PARP1: variants seen among roughly 807,000 people sequenced by gnomAD.
PARP1 encodes the protein poly(ADP-ribose) polymerase 1.
In PARP1, 44 loss-of-function variants were observed where a neutral mutation model predicts 118.7. The observed-to-expected ratio is 0.37, with a 90% CI of 0.29 to 0.48. The LOEUF (loss-of-function observed/expected upper bound fraction) is 0.48, where lower values mean the gene tolerates loss of function less well. PARP1 is among the 20% of genes least tolerant of loss of function. PARP1 has a pLI of 0.99. For synonymous variants in PARP1, 492 were observed against 483.2 expected, an observed-to-expected ratio of 1.02 and a Z score of -0.24; for missense variants, 1,100 against 1,272.4, an observed-to-expected ratio of 0.86 and a Z score of 2.06.
In PARP1 at chr1:226,383,069, C is replaced by A. The variant is rs1197812138; in HGVS notation, c.1126G>T (p.Ala376Ser). Residue 376 changes from alanine to serine, a missense_variant, in exon 8 of 23, where the codon GCT becomes TCT. Transcript: ENST00000366794. ...AATPPPSTAS[A>S]PAAVNSSASA... ...GCAGAGGAGTTCACAGCAGCAGGAG[C>A]CGAGGCTGTGGAGGGCGGAGGCGTG... The A allele has an allele frequency of 1.2e-6, 2 of 1,612,948 alleles. No individual in the cohort carries two copies. The highest frequency in any genetic ancestry group is 2.2e-5 in the South Asian group (2 of 91,026).
At chr1:226,361,578 A>G in intron 22 of PARP1, 37 bp from the exon 23 acceptor site, 1 of 1,406,260 alleles carries the variant, frequency 7.1e-7, no homozygotes, top group Admixed American at 1.7e-5. Context: ...ACAGCCATAC[A>G]ACAGAGGGTA....
intron 1 of PARP1, among the ~76,000 whole-genome samples, chr1:226,405,919 C>T (rs2102749108): frequency 6.6e-6 from 1 of 152,176 alleles, no homozygotes; most frequent in South Asian, 2.1e-4. Context: ...AGTTTGAGAC[C>T]AGCCTGGGCA....
chr1:226,364,490 A>G (rs1450595894), intron 19 of PARP1: 1 of 326,058 alleles, frequency 3.1e-6, no homozygotes, highest in Non-Finnish European at 6.0e-6. Context: ...CCCGTTATAC[A>G]CTACTGCACA....
rs750176465 is a variant in PARP1 at position 226,377,320 on chromosome 1, G to A, written c.1746-17C>T. ...ATCCAATACCTGCAGTGGGAAGGAG[G>A]GTGTCAGATACACATGTGTGGGTCA... On this transcript the variant is annotated splice_polypyrimidine_tract_variant and intron_variant, in intron 12 of 22. Coordinates refer to ENST00000366794, the MANE Select transcript of PARP1 (RefSeq NM_001618.4). 2.5e-6 allele frequency: 4 copies of A among 1,603,826 alleles called. No individual in the cohort carries two copies. The highest frequency in any genetic ancestry group is 2.2e-5 in the East Asian group (1 of 44,822).
At chr1:226,384,618 G>A (rs1054089740) in intron 7 of PARP1, among the ~76,000 whole-genome samples, 4 of 152,156 alleles carry the variant, frequency 2.6e-5, no homozygotes, top group South Asian at 2.1e-4. Flanking sequence ...CAGAAAAATC[G>A]GGGAATCAGT....
chr1:226,382,199 C>T (rs1003931768), intron 8 of PARP1, among the ~76,000 whole-genome samples: 2 of 152,246 alleles, frequency 1.3e-5, no homozygotes, highest in Admixed American at 6.5e-5. Context: ...CACCAATAGA[C>T]TATGCCACAT....
Position 226,366,505 on chromosome 1 carries a change from T to C in PARP1, c.2407-453A>G, listed in dbSNP as rs3219136. ...ACAGGCCTAACAAGCATCTGTCAAA[T>C]AGCTGATGTAATCTATGCTCAGTAA... On this transcript the variant is annotated intron_variant, in intron 17 of 22. Coordinates refer to ENST00000366794, the MANE Select transcript of PARP1 (RefSeq NM_001618.4). 204 of 205,990 alleles carry C rather than the reference T, an allele frequency of 9.9e-4. 1 individual carries two copies. The East Asian group carries it at 0.02, about 20-fold the overall frequency. The allele number at this position is 205,990 out of a possible 1,614,324, so 12.8% of individuals were successfully genotyped here. A position where few individuals can be genotyped will look rare whatever the true frequency, so the allele number is the denominator to read the frequency against.
intron 20 of PARP1, 21 bp downstream of exon 20, chr1:226,363,922 C>A (rs1383367881): frequency 1.2e-6 from 2 of 1,613,040 alleles, no homozygotes; most frequent in South Asian, 2.2e-5. Flanking sequence ...TGCCATCAGT[C>A]CCAGAGCCAG....
chr1:226,390,899 T>G (rs1664809642), intron 3 of PARP1, among the ~76,000 whole-genome samples: 1 of 152,102 alleles, frequency 6.6e-6, no homozygotes, highest in Admixed American at 6.5e-5. Context: ...ACATTCCCCT[T>G]AAGATGTTTC....
chr1:226,363,369 G>A (rs371368509), intron 20 of PARP1, among the ~76,000 whole-genome samples: 13 of 152,136 alleles, frequency 8.5e-5, no homozygotes, highest in African/African-American at 2.9e-4. Flanking sequence ...TGTGCCCAGC[G>A]ATCACTGCTA....
chr1:226,379,753 C>G, intron 10 of PARP1, 112 bp from the exon 11 acceptor site: 1 of 1,316,834 alleles, frequency 7.6e-7, no homozygotes, highest in Non-Finnish European at 1.1e-6. Flanking sequence ...AACTCGGCAT[C>G]TATATACACA....
intron 2 of PARP1, chr1:226,392,692 A>T (rs1002612944): frequency 7.4e-6 from 4 of 542,736 alleles, no homozygotes; most frequent in African/African-American, 3.8e-5. Flanking sequence ...AATTTCCATT[A>T]TACTTCTATT....
intron 8 of PARP1, among the ~76,000 whole-genome samples, chr1:226,382,053 C>T (rs1664620200): frequency 6.6e-6 from 1 of 152,182 alleles, no homozygotes; most frequent in African/African-American, 2.4e-5. Flanking sequence ...CTGCCAGCAG[C>T]ACAGTGGACT....
chr1:226,407,984 C>T lies in PARP1; in HGVS notation c.-55G>A, dbSNP rs1665186953. On this transcript the variant is annotated 5_prime_UTR_variant, in exon 1 of 23. The change creates a new upstream start codon in the 5' untranslated region. Transcript: ENST00000366794. Reference sequence around the variant, plus strand: ...AGCCCGACGCCACGACCTAGAAACACGCTGCCGCCTCGCCGCCTCGCGTGC... The same window carrying T: ...AGCCCGACGCCACGACCTAGAAACATGCTGCCGCCTCGCCGCCTCGCGTGC... 3 of 1,608,926 alleles carry T rather than the reference C, an allele frequency of 1.9e-6. No homozygotes were observed. Among genetic ancestry groups the T allele is most frequent in the Non-Finnish European group, 2.5e-6 (3 of 1,178,090 alleles).
chr1:226,364,959 C>A, intron 19 of PARP1, 43 bp downstream of exon 19: 1 of 1,609,614 alleles, frequency 6.2e-7, no homozygotes, highest in East Asian at 2.2e-5. Context: ...GAGACACCTG[C>A]AGAGACAGGC....
intron 1 of PARP1, among the ~76,000 whole-genome samples, chr1:226,406,838 T>G (rs1309225143): frequency 6.6e-6 from 1 of 152,180 alleles, no homozygotes; most frequent in African/African-American, 2.4e-5. Flanking sequence ...TCGCCCTCCC[T>G]TGTACTAAGT....
intron 5 of PARP1, among the ~76,000 whole-genome samples, chr1:226,388,168 C>T (rs978701657): frequency 2.6e-5 from 4 of 152,216 alleles, no homozygotes; most frequent in Non-Finnish European, 5.9e-5. Context: ...GGATAGTTTT[C>T]TTCTGTCATT....
intron 2 of PARP1, among the ~76,000 whole-genome samples, chr1:226,396,722 T>A (rs1174236912): frequency 1.3e-5 from 2 of 152,108 alleles, no homozygotes; most frequent in African/African-American, 4.8e-5. Flanking sequence ...CTTTTCATAT[T>A]ATAAAATTAC....
intron 12 of PARP1, among the ~76,000 whole-genome samples, chr1:226,377,509 C>A (rs1664515669): frequency 6.6e-6 from 1 of 152,132 alleles, no homozygotes; most frequent in South Asian, 2.1e-4. Flanking sequence ...ATATTGACTA[C>A]AAAAAATGCC....
Sources: allele counts gnomAD v4.1 joint callset (sites outside exome capture counted in the v4.1 genomes callset), GRCh38; gene constraint gnomAD v4.1.1; transcripts MANE v1.5; gene names NCBI Gene and HGNC (gene_info 2026-07-23, HGNC 2026-07-21).